DLG2: variants seen among roughly 807,000 people sequenced by gnomAD.
DLG2 encodes discs large MAGUK scaffold protein 2, also known as disks large homolog 2.
A neutral mutation model predicts 132.5 loss-of-function variants in DLG2; 45 were observed. The observed-to-expected ratio is 0.34, with a 90% CI of 0.27 to 0.44. The LOEUF (loss-of-function observed/expected upper bound fraction) is 0.44, where lower values mean the gene tolerates loss of function less well. Ranked by LOEUF, DLG2 falls within the 20% of genes least tolerant of loss-of-function variation. The pLI is 1.00. For synonymous variants in DLG2, 424 were observed against 419.6 expected, an observed-to-expected ratio of 1.01 and a Z score of -0.13; for missense variants, 1,045 against 1,196.9, an observed-to-expected ratio of 0.87 and a Z score of 1.87.
intron 21 of DLG2, among the ~76,000 whole-genome samples, chr11:83,490,061 AT>A (rs751535204): frequency 3.9e-5 from 6 of 152,130 alleles, no homozygotes; most frequent in Non-Finnish European, 8.8e-5. Flanking sequence ...CACTACTCAG[AT>A]TTTGTCTTCT....
At chr11:85,159,338 G>C (rs1177386789) in intron 4 of DLG2, among the ~76,000 whole-genome samples, 1 of 152,196 alleles carries the variant, frequency 6.6e-6, no homozygotes, top group East Asian at 1.9e-4. Flanking sequence ...TTGCAAGCTG[G>C]CAGAACCTCC....
chr11:85,093,967 T>C (rs2069286871), intron 6 of DLG2, among the ~76,000 whole-genome samples: 1 of 152,234 alleles, frequency 6.6e-6, no homozygotes, highest in South Asian at 2.1e-4. Context: ...ATAATAATAG[T>C]TCTGCCACCA....
chr11:84,157,908 C>A (rs548627440), intron 9 of DLG2, among the ~76,000 whole-genome samples: 2 of 152,178 alleles, frequency 1.3e-5, no homozygotes, highest in Non-Finnish European at 2.9e-5. Context: ...AACTTGTTTA[C>A]AAATTGCCCA....
At chr11:84,950,726 C>CAT in intron 6 of DLG2, among the ~76,000 whole-genome samples, 1 of 150,454 alleles carries the variant, frequency 6.6e-6, no homozygotes, top group East Asian at 1.9e-4. Context: ...CACGCACGTG[C>CAT]ATACACACAC....
intron 16 of DLG2, among the ~76,000 whole-genome samples, chr11:83,870,313 T>C: frequency 6.6e-6 from 1 of 152,212 alleles, no homozygotes; most frequent in Non-Finnish European, 1.5e-5. Flanking sequence ...GTCTCCAATG[T>C]CCATGTGTAT....
intron 6 of DLG2, among the ~76,000 whole-genome samples, chr11:85,049,166 A>G (rs1446815698): frequency 6.6e-6 from 1 of 152,022 alleles, no homozygotes; most frequent in Admixed American, 6.6e-5. Context: ...AAGTTCATAG[A>G]CTTAGGGATT....
intron 15 of DLG2, among the ~76,000 whole-genome samples, chr11:83,901,050 T>C (rs12271229): frequency 0.096 from 14,679 of 152,254 alleles, 840 homozygotes; most frequent in Middle Eastern, 0.2. Context: ...TTTGACTGCC[T>C]CACTGGATTT....
intron 6 of DLG2, among the ~76,000 whole-genome samples, chr11:85,110,120 T>A (rs1434422709): frequency 6.6e-6 from 1 of 152,064 alleles, no homozygotes; most frequent in Non-Finnish European, 1.5e-5. Flanking sequence ...TCAGTAGTTA[T>A]GAAATGATAC....
intron 8 of DLG2, among the ~76,000 whole-genome samples, chr11:84,245,590 T>C (rs752112480): frequency 2.0e-5 from 3 of 152,164 alleles, no homozygotes; most frequent in Non-Finnish European, 4.4e-5. Context: ...AAACAAAATT[T>C]CAGCAACAAA....
intron 3 of DLG2, among the ~76,000 whole-genome samples, chr11:85,520,503 A>G (rs1245419892): frequency 8.6e-6 from 1 of 115,620 alleles, no homozygotes; most frequent in Non-Finnish European, 1.8e-5. Context: ...TAGTCCTAAA[A>G]TGTATATGGA....
chr11:85,257,568 A>T (rs530278762), intron 4 of DLG2, among the ~76,000 whole-genome samples: 1 of 152,232 alleles, frequency 6.6e-6, no homozygotes, highest in East Asian at 1.9e-4. Flanking sequence ...ATAACAATGC[A>T]GTAAAACTTT....
At chr11:85,519,383 GA>G (rs1565625460) in intron 3 of DLG2, among the ~76,000 whole-genome samples, 1 of 152,164 alleles carries the variant, frequency 6.6e-6, no homozygotes, top group Non-Finnish European at 1.5e-5. Flanking sequence ...AGTCAAAGGG[GA>G]TCATTTTGGA....
chr11:84,705,466 G>C (rs541550039), intron 6 of DLG2, among the ~76,000 whole-genome samples: 1 of 151,858 alleles, frequency 6.6e-6, no homozygotes, highest in East Asian at 1.9e-4. Flanking sequence ...CTATGTCAGA[G>C]AGACAAAAGC....
At chr11:83,955,453 T>C (rs1162704076) in intron 14 of DLG2, among the ~76,000 whole-genome samples, 1 of 152,100 alleles carries the variant, frequency 6.6e-6, no homozygotes, top group Non-Finnish European at 1.5e-5. Flanking sequence ...CAGATAGGGG[T>C]GGGTAACCAG....
chr11:84,645,651 T>G (rs1183721521), intron 6 of DLG2, among the ~76,000 whole-genome samples: 1 of 152,076 alleles, frequency 6.6e-6, no homozygotes, highest in Non-Finnish European at 1.5e-5. Flanking sequence ...GTATTTTTAG[T>G]AGAGATGGGG....
chr11:84,347,991 T>C (rs2098546479), intron 7 of DLG2, among the ~76,000 whole-genome samples: 1 of 152,184 alleles, frequency 6.6e-6, no homozygotes, highest in Non-Finnish European at 1.5e-5. Context: ...GGTATGTTAA[T>C]CTAAAATTTG....
At chr11:84,799,145 C>G (rs947937237) in intron 6 of DLG2, among the ~76,000 whole-genome samples, 1 of 152,198 alleles carries the variant, frequency 6.6e-6, no homozygotes. Flanking sequence ...CTAAGAATTA[C>G]AGTCCTTGTG....
intron 19 of DLG2, among the ~76,000 whole-genome samples, chr11:83,625,681 T>A (rs1381468126): frequency 1.3e-5 from 2 of 152,208 alleles, no homozygotes; most frequent in Non-Finnish European, 2.9e-5. Context: ...TTACTTCAAG[T>A]TGTCTCACTA....
chr11:84,427,023 T>C (rs1421890728), intron 7 of DLG2, among the ~76,000 whole-genome samples: 1 of 152,170 alleles, frequency 6.6e-6, no homozygotes, highest in African/African-American at 2.4e-5. Context: ...TTCTTCTTAG[T>C]CATTTTCTGC....
Sources: allele counts gnomAD v4.1 joint callset (sites outside exome capture counted in the v4.1 genomes callset), GRCh38; gene constraint gnomAD v4.1.1; transcripts MANE v1.5; gene names NCBI Gene and HGNC (gene_info 2026-07-23, HGNC 2026-07-21).